GPC5: variants seen among roughly 807,000 people sequenced by gnomAD.
GPC5 encodes glypican-5.
Under a neutral mutation model 53.9 loss-of-function variants are expected in GPC5, and 47 were observed. That is an observed-to-expected ratio of 0.87 (90% CI 0.69 to 1.11). GPC5 has a LOEUF of 1.11. Ranked by LOEUF, GPC5 falls within the 50% of genes most tolerant of loss-of-function variation. The pLI is 0.00. For synonymous variants in GPC5, 286 were observed against 263.3 expected, an observed-to-expected ratio of 1.09 and a Z score of -0.84; for missense variants, 748 against 713.1, an observed-to-expected ratio of 1.05 and a Z score of -0.56.
At chr13:91,908,643 T>G (rs1232649177) in intron 6 of GPC5, among the ~76,000 whole-genome samples, 1 of 152,116 alleles carries the variant, frequency 6.6e-6, no homozygotes, top group African/African-American at 2.4e-5. Flanking sequence ...AAATGAAGCA[T>G]GAGCATATTT....
intron 5 of GPC5, among the ~76,000 whole-genome samples, chr13:91,762,737 A>G (rs2037441350): frequency 6.6e-6 from 1 of 152,072 alleles, no homozygotes; most frequent in Non-Finnish European, 1.5e-5. Context: ...TGATTTGAAG[A>G]CTTCTTCCTC....
intron 2 of GPC5, among the ~76,000 whole-genome samples, chr13:91,618,451 A>G (rs529237388): frequency 1.4e-4 from 21 of 152,136 alleles, no homozygotes; most frequent in African/African-American, 4.8e-4. Flanking sequence ...ATGTGATTTC[A>G]GGCTCTGCTT....
intron 4 of GPC5, among the ~76,000 whole-genome samples, chr13:91,749,043 A>AT (rs930028284): frequency 1.3e-5 from 2 of 151,990 alleles, no homozygotes; most frequent in African/African-American, 2.4e-5. Flanking sequence ...TATTTTTTTA[A>AT]TTTTTTATAG....
intron 1 of GPC5, among the ~76,000 whole-genome samples, chr13:91,439,113 C>G (rs929820229): frequency 2.6e-5 from 4 of 152,236 alleles, no homozygotes; most frequent in African/African-American, 9.6e-5. Context: ...CTTTTGAAGG[C>G]TTCCTTCTCT....
chr13:92,645,391 G>T (rs1885734877), intron 7 of GPC5, among the ~76,000 whole-genome samples: 1 of 152,142 alleles, frequency 6.6e-6, no homozygotes, highest in African/African-American at 2.4e-5. Flanking sequence ...ATCTTTAAAT[G>T]AATTTTTGTC....
intron 5 of GPC5, among the ~76,000 whole-genome samples, chr13:91,899,439 G>A (rs2138983458): frequency 6.6e-6 from 1 of 152,212 alleles, no homozygotes; most frequent in African/African-American, 2.4e-5. Context: ...GTAATAAAAT[G>A]TTTCTCATGG....
Position 92,050,061 on chromosome 13 carries a change from A to T in GPC5, c.1402-94769A>T, listed in dbSNP as rs2041014954. Among the ~76,000 whole-genome samples the T allele has an allele frequency of 1.3e-5, 2 of 152,172 alleles. 1 individual carries two copies. On this transcript the variant is annotated intron_variant, in intron 6 of 7. Transcript: ENST00000377067. ...AAATACAAAAGATATTTAAATAATG[A>T]AATAACTAAGAAAGAAACACAGGAT...
chr13:91,732,871 A>G lies in GPC5; in HGVS notation c.1154+4206A>G, dbSNP rs558094297. 9.9e-5 allele frequency among the ~76,000 whole-genome samples: 15 copies of G among 152,010 alleles called. No individual in the cohort carries two copies. The East Asian group carries it at 2.5e-3, about 26-fold the overall frequency. ...ATTTCTGAGGTCTCTGCTCTGTTCC[A>G]TTGGTCTATATATTTGTTTTGGTAC... On this transcript the variant is annotated intron_variant, in intron 4 of 7. Transcript: ENST00000377067.
chr13:91,940,944 T>G lies in GPC5; in HGVS notation c.1401+32887T>G, dbSNP rs149055432. ...TATTTCTCCCATTCTGTAGGTTGTC[T>G]GTTTACTCTGTTGATAGTTTCTTTT... is the stretch of plus-strand genomic sequence containing the variant. On this transcript the variant is annotated intron_variant, in intron 6 of 7. Transcript: ENST00000377067. 1.9e-4 allele frequency among the ~76,000 whole-genome samples: 29 copies of G among 152,320 alleles called. 1 individual carries two copies. The East Asian group carries it at 5.6e-3, about 29-fold the overall frequency.
intron 7 of GPC5, among the ~76,000 whole-genome samples, chr13:92,228,355 A>G (rs1434994764): frequency 1.3e-5 from 2 of 152,176 alleles, no homozygotes; most frequent in Admixed American, 6.5e-5. Flanking sequence ...ATTTTGAAAT[A>G]CCACAAATGC....
At chr13:92,304,591 A>G (rs1476607765) in intron 7 of GPC5, among the ~76,000 whole-genome samples, 1 of 152,060 alleles carries the variant, frequency 6.6e-6, no homozygotes, top group African/African-American at 2.4e-5. Context: ...AATTCTAGTT[A>G]TTGCTTATTG....
At chr13:92,646,600 G>C (rs983576168) in intron 7 of GPC5, among the ~76,000 whole-genome samples, 19 of 151,836 alleles carry the variant, frequency 1.3e-4, no homozygotes, top group Non-Finnish European at 2.8e-4. Flanking sequence ...AATAAATTTG[G>C]GTAGAACTGA....
At chr13:92,523,040 CAAT>C (rs1358493204) in intron 7 of GPC5, among the ~76,000 whole-genome samples, 1 of 152,056 alleles carries the variant, frequency 6.6e-6, no homozygotes, top group Non-Finnish European at 1.5e-5. Flanking sequence ...ATGATTACGA[CAAT>C]AATTTGTGGC....
At chr13:91,859,497 T>G (rs958374305) in intron 5 of GPC5, among the ~76,000 whole-genome samples, 2 of 152,012 alleles carry the variant, frequency 1.3e-5, no homozygotes, top group African/African-American at 4.8e-5. Flanking sequence ...AAATCCACAT[T>G]ATCAATTTGT....
chr13:92,251,355 TG>T (rs1566504686), intron 7 of GPC5, among the ~76,000 whole-genome samples: 67 of 152,220 alleles, frequency 4.4e-4, no homozygotes, highest in Middle Eastern at 3.4e-3. Flanking sequence ...CAGTGTAAGG[TG>T]GCTCCACGTA....
At chr13:91,698,296 A>G (rs976301778) in intron 3 of GPC5, among the ~76,000 whole-genome samples, 1 of 152,186 alleles carries the variant, frequency 6.6e-6, no homozygotes, top group Non-Finnish European at 1.5e-5. Flanking sequence ...GAATTACTAT[A>G]TAATTCTATC....
intron 7 of GPC5, among the ~76,000 whole-genome samples, chr13:92,350,268 G>T (rs550856850): frequency 1.1e-4 from 16 of 152,182 alleles, no homozygotes; most frequent in South Asian, 2.1e-4. Flanking sequence ...GAAGTCCACA[G>T]CTAACACTGT....
chr13:92,222,693 G>T (rs1002670651), intron 7 of GPC5, among the ~76,000 whole-genome samples: 2 of 151,878 alleles, frequency 1.3e-5, no homozygotes, highest in Admixed American at 1.3e-4. Context: ...TTCATGATTT[G>T]ATCCTAGTTG....
At chr13:92,462,022 C>T (rs981563482) in intron 7 of GPC5, among the ~76,000 whole-genome samples, 3 of 152,102 alleles carry the variant, frequency 2.0e-5, no homozygotes, top group South Asian at 2.1e-4. Flanking sequence ...CGGCTGAACC[C>T]GAAAGAACCA....
Sources: allele counts gnomAD v4.1 joint callset (sites outside exome capture counted in the v4.1 genomes callset), GRCh38; gene constraint gnomAD v4.1.1; transcripts MANE v1.5; gene names NCBI Gene and HGNC (gene_info 2026-07-23, HGNC 2026-07-21).